OR51M1: variants seen among roughly 807,000 people sequenced by gnomAD.
OR51M1 encodes olfactory receptor family 51 subfamily M member 1, also known as olfactory receptor 51M1.
For synonymous variants in OR51M1, 199 were observed against 155.1 expected, an observed-to-expected ratio of 1.28 and a Z score of -2.10; for missense variants, 509 against 404.4, an observed-to-expected ratio of 1.26 and a Z score of -2.22.
chr11:5,388,031 C>T (rs565228967), intron 2 of OR51M1, among the ~76,000 whole-genome samples: 1 of 152,050 alleles, frequency 6.6e-6, no homozygotes, highest in Non-Finnish European at 1.5e-5. Flanking sequence ...TTGCACCAAC[C>T]TAATAGAATT....
At chr11:5,384,480 G>C (rs1268455260) in intron 1 of OR51M1, among the ~76,000 whole-genome samples, 1 of 152,172 alleles carries the variant, frequency 6.6e-6, no homozygotes, top group Non-Finnish European at 1.5e-5. Flanking sequence ...TGCTGGAAAA[G>C]AGGCGAGCTC....
chr11:5,390,168 T>A lies in OR51M1; in HGVS notation c.770T>A (p.Leu257His), dbSNP rs2736531. 1.1e-5 allele frequency: 18 copies of A among 1,613,582 alleles called. No homozygotes were observed. The highest frequency in any genetic ancestry group is 1.7e-5 in the Admixed American group (1 of 59,992). Reference sequence around the variant, plus strand: ...GCCTTTCAGACATGCACCGCTCCTCTCTGTGCTGTGCTAGTATTCTTTGTG... The same window carrying A: ...GCCTTTCAGACATGCACCGCTCCTCACTGTGCTGTGCTAGTATTCTTTGTG... ...RRAFQTCTAP[L>H]CAVLVFFVPM... The change falls in exon 3 of 3, where the codon CTC becomes CAC. Residue 257 changes from leucine (L) to histidine (H), a missense_variant. Physicochemically the swap from Leu to His is moderately conservative, Grantham distance 99. Transcript: ENST00000642046.
chr11:5,390,648 G>T lies in OR51M1; in HGVS notation c.*269G>T, dbSNP rs1849781923. On this transcript the variant is annotated 3_prime_UTR_variant, in exon 3 of 3. Transcript: ENST00000642046. ...AACTTTATTGAAGGTCATCATCAAT[G>T]TAACTAAAACTAAAATGAAACTAAA... 5 of 388,948 alleles carry T rather than the reference G, an allele frequency of 1.3e-5. No individual in the cohort carries two copies. In the East Asian group the frequency reaches 2.0e-4, roughly 15 times the overall value. The allele number at this position is 388,948 out of a possible 1,614,324, so 24.1% of individuals were successfully genotyped here.
At chr11:5,388,268 G>A (rs1263704170) in intron 2 of OR51M1, among the ~76,000 whole-genome samples, 1 of 151,904 alleles carries the variant, frequency 6.6e-6, no homozygotes, top group Non-Finnish European at 1.5e-5. Context: ...CATGGTTTAT[G>A]TCCACAAGGA....
intron 2 of OR51M1, 53 bp from the exon 3 acceptor site, chr11:5,389,331 G>C: frequency 2.1e-6 from 3 of 1,455,328 alleles, no homozygotes; most frequent in African/African-American, 1.4e-5. Flanking sequence ...GTGATGTTGT[G>C]AATGTTAGTG....
rs1849672838 is a variant in OR51M1, at chr11:5,385,440, C to A, written c.-34C>A. ...AGAGCTGACAACAGAACCCCAGGCA[C>A]AAAGAATCAGGATAAGAGGTGAGTA... On this transcript the variant is annotated 5_prime_UTR_variant, in exon 2 of 3. Transcript: ENST00000642046. 1 of 152,144 alleles carries A rather than the reference C, an allele frequency of 6.6e-6. No homozygotes were observed. Among genetic ancestry groups the A allele is most frequent in the African/African-American group, 2.4e-5 (1 of 41,420 alleles). The allele number at this position is 152,144 out of a possible 1,614,324, so 9.4% of individuals were successfully genotyped here.
intron 2 of OR51M1, among the ~76,000 whole-genome samples, chr11:5,385,727 TATCTA>T (rs1288067981): frequency 2.1e-5 from 3 of 145,732 alleles, no homozygotes. Context: ...TGTGTACAAA[TATCTA>T]ATATTTTTGT....
At chr11:5,387,989 A>G (rs1226182543) in intron 2 of OR51M1, among the ~76,000 whole-genome samples, 1 of 152,184 alleles carries the variant, frequency 6.6e-6, no homozygotes, top group Non-Finnish European at 1.5e-5. Flanking sequence ...AGTTCTTGCC[A>G]TTGAAAGTAA....
rs577414560 is a variant in OR51M1, at chr11:5,385,409, G to A, written c.-65G>A. ...TCCATCTCATCACTCTGAAGTTGGT[G>A]AACACAGAGCTGACAACAGAACCCC... On this transcript the variant is annotated 5_prime_UTR_variant, in exon 2 of 3. Transcript: ENST00000642046. 1.3e-5 allele frequency: 2 copies of A among 152,158 alleles called. No individual in the cohort carries two copies. Among genetic ancestry groups the A allele is most frequent in the South Asian group, 2.1e-4 (1 of 4,828 alleles). The allele number at this position is 152,158 out of a possible 1,614,324, so 9.4% of individuals were successfully genotyped here. A position where few individuals can be genotyped will look rare whatever the true frequency, so the allele number is the denominator to read the frequency against.
rs775685916 is a variant in OR51M1 at position 5,389,962 on chromosome 11, C to G, written c.564C>G (p.His188Gln). The change falls in exon 3 of 3, where the codon CAC becomes CAG. Residue 188 changes from histidine (H) to glutamine (Q), a missense_variant. Transcript: ENST00000642046. ...FPYCGSVVLS[H>Q]SFCLHQEVIQ... is the part of the protein sequence containing the mutation. Reference sequence around the variant, plus strand: ...ACTGTGGATCTGTGGTCCTCTCCCACTCATTTTGCCTGCACCAGGAAGTGA... The same window carrying G: ...ACTGTGGATCTGTGGTCCTCTCCCAGTCATTTTGCCTGCACCAGGAAGTGA... 1.2e-6 allele frequency: 2 copies of G among 1,611,864 alleles called. No individual in the cohort carries two copies. Among genetic ancestry groups the G allele is most frequent in the South Asian group, 1.1e-5 (1 of 91,084 alleles).
chr11:5,389,570 C>G lies in OR51M1; in HGVS notation c.172C>G (p.Leu58Val). Residue 58 changes from leucine to valine, a missense_variant, in exon 3 of 3, where the codon CTG becomes GTG. Transcript: ENST00000642046. The part of the protein sequence containing the change: ...MVAISGNCFI[L>V]IIIKTNPRLH... ...TGCCATCTCAGGCAATTGTTTCATT[C>G]TGATCATTATTAAGACCAACCCTCG... 8 of 1,613,894 alleles carry G rather than the reference C, an allele frequency of 5.0e-6. No individual in the cohort carries two copies. Among genetic ancestry groups the G allele is most frequent in the African/African-American group, 1.3e-5 (1 of 75,026 alleles).
At position 5,390,462 on chromosome 11, in the gene OR51M1, T is replaced by C; in HGVS notation, c.*83T>C. ...AATTTGGAGTATTGAGTATATAGCA[T>C]GCTCTTAAAGATTTTTTGCCCCTGT... On this transcript the variant is annotated 3_prime_UTR_variant, in exon 3 of 3. Transcript: ENST00000642046. The C allele has an allele frequency of 8.2e-7, 1 of 1,214,936 alleles. No homozygotes were observed. The highest frequency in any genetic ancestry group is 1.5e-5 in the African/African-American group (1 of 65,508). The allele number at this position is 1,214,936 out of a possible 1,614,324, so 75.3% of individuals were successfully genotyped here. A position where few individuals can be genotyped will look rare whatever the true frequency, so the allele number is the denominator to read the frequency against.
At position 5,390,331 on chromosome 11, in the gene OR51M1, C is replaced by T. The variant is rs752528043; in HGVS notation, c.933C>T (p.Ile311=). Residue 311 remains isoleucine, a synonymous_variant, in exon 3 of 3, where the codon ATC becomes ATT. Coordinates refer to ENST00000642046, the MANE Select transcript of OR51M1 (RefSeq NM_001004756.3). ...PIIYSIKTKE[I]HRAIIKFLGL... ...TATACAGCATTAAGACCAAGGAGATCCACCGTGCCATTATCAAGTTCCTAG... is the reference window on the plus strand; with the variant it reads ...TATACAGCATTAAGACCAAGGAGATTCACCGTGCCATTATCAAGTTCCTAG... 1 of 1,612,440 alleles carries T rather than the reference C, an allele frequency of 6.2e-7. No homozygotes were observed. Among genetic ancestry groups the T allele is most frequent in the South Asian group, 1.1e-5 (1 of 90,782 alleles).
intron 1 of OR51M1, among the ~76,000 whole-genome samples, 154 bp downstream of exon 1, chr11:5,384,071 T>A (rs189636785): frequency 2.0e-5 from 3 of 152,308 alleles, no homozygotes; most frequent in Non-Finnish European, 4.4e-5. Context: ...CAATTAAGGC[T>A]TTTCCCCCAA....
intron 2 of OR51M1, among the ~76,000 whole-genome samples, chr11:5,387,124 C>T (rs926929020): frequency 3.9e-5 from 6 of 151,960 alleles, no homozygotes; most frequent in African/African-American, 1.4e-4. Context: ...TGTTCAAGGA[C>T]AGTAAACTGA....
rs1439291231 is a variant in OR51M1 at position 5,392,047 on chromosome 11, T to G, written c.*1668T>G. On this transcript the variant is annotated 3_prime_UTR_variant, in exon 3 of 3. Coordinates refer to ENST00000642046, the MANE Select transcript of OR51M1 (RefSeq NM_001004756.3). ...TCACACTACTGCCTGGGTGACCAAG[T>G]GAGACCCCGATTCAAAAATAAAAAG... is the stretch of plus-strand genomic sequence containing the variant. 6.6e-6 allele frequency: 1 copy of G among 151,390 alleles called. No homozygotes were observed. Among genetic ancestry groups the G allele is most frequent in the Non-Finnish European group, 1.5e-5 (1 of 67,932 alleles). 9.4% of individuals were successfully genotyped at this position (151,390 alleles called of 1,614,324 possible). A position where few individuals can be genotyped will look rare whatever the true frequency, so the allele number is the denominator to read the frequency against.
intron 1 of OR51M1, among the ~76,000 whole-genome samples, chr11:5,384,650 T>C (rs1849657690): frequency 6.6e-6 from 1 of 152,220 alleles, no homozygotes; most frequent in Non-Finnish European, 1.5e-5. Context: ...CCATCTGGTA[T>C]ACACACCCTC....
Position 5,392,792 on chromosome 11 carries a change from G to A in OR51M1, c.*2413G>A, listed in dbSNP as rs1396433174. On this transcript the variant is annotated 3_prime_UTR_variant, in exon 3 of 3. Coordinates refer to ENST00000642046, the MANE Select transcript of OR51M1 (RefSeq NM_001004756.3). ...CCGGGCATGGTGGTGGGCACCTGTAGTCCCAGCTACTCAGGAGGCTGGGGC... is the reference window on the plus strand; with the variant it reads ...CCGGGCATGGTGGTGGGCACCTGTAATCCCAGCTACTCAGGAGGCTGGGGC... 1 of 152,068 alleles carries A rather than the reference G, an allele frequency of 6.6e-6. No homozygotes were observed. Among genetic ancestry groups the A allele is most frequent in the Non-Finnish European group, 1.5e-5 (1 of 68,032 alleles). 9.4% of individuals were successfully genotyped at this position (152,068 alleles called of 1,614,324 possible).
At chr11:5,388,373 G>A (rs572283935) in intron 2 of OR51M1, among the ~76,000 whole-genome samples, 46 of 151,628 alleles carry the variant, frequency 3.0e-4, no homozygotes, top group Non-Finnish European at 5.3e-4. Flanking sequence ...ACATAGGAGA[G>A]GGTATTCAAA....
Sources: gnomAD v4.1 joint callset for allele counts (sites outside exome capture counted in the v4.1 genomes callset) on GRCh38, gnomAD v4.1.1 for gene constraint, MANE v1.5 for transcripts, NCBI Gene and HGNC (gene_info 2026-07-23, HGNC 2026-07-21) for gene names.